XRN1: variants seen among roughly 807,000 people sequenced by gnomAD.
XRN1 encodes the protein 5'-3' exoribonuclease 1, also known as strand-exchange protein 1 homolog.
In XRN1, 67 loss-of-function variants were observed where a neutral mutation model predicts 222.3. The ratio of observed to expected loss-of-function variants is 0.30; its 90% confidence interval spans 0.25 to 0.37. XRN1 has a LOEUF of 0.37. XRN1 is among the 10% of genes least tolerant of loss of function. XRN1 has a pLI of 1.00. For missense variants in XRN1, 1,707 were observed against 2,000.2 expected (o/e 0.85, Z 2.80); for synonymous variants, 643 against 652.4 (o/e 0.99, Z 0.22).
At chr3:142,325,484 G>T (rs1450611774) in intron 37 of XRN1, among the ~76,000 whole-genome samples, 5 of 151,304 alleles carry the variant, frequency 3.3e-5, no homozygotes, top group Non-Finnish European at 7.4e-5. Flanking sequence ...TTGTTACATG[G>T]GTATATTGCA....
chr3:142,428,589 A>T (rs2069368568), intron 2 of XRN1, among the ~76,000 whole-genome samples: 1 of 152,168 alleles, frequency 6.6e-6, no homozygotes, highest in East Asian at 1.9e-4. Context: ...AGATGAAAAG[A>T]AGTAGACAGA....
chr3:142,356,790 G>GGAAAA, intron 31 of XRN1, 122 bp downstream of exon 31: 1 of 1,061,932 alleles, frequency 9.4e-7, no homozygotes, highest in Non-Finnish European at 1.3e-6. Context: ...GAATTGACCT[G>GGAAAA]AGCCAAAACT....
chr3:142,307,854 A>G lies in XRN1; in HGVS notation c.*3657T>C, dbSNP rs1052004941. On this transcript the variant is annotated 3_prime_UTR_variant, in exon 41 of 41. Transcript: ENST00000392981. ...TTGAGTACTATAATTTATCTCTAGA[A>G]AAATGACAAATGAACTTCTGCAATT... is the stretch of plus-strand genomic sequence containing the variant. The G allele has an allele frequency of 2.0e-5, 3 of 152,224 alleles. No homozygotes were observed. Among genetic ancestry groups the G allele is most frequent in the Non-Finnish European group, 4.4e-5 (3 of 68,032 alleles). The allele number at this position is 152,224 out of a possible 1,614,324, so 9.4% of individuals were successfully genotyped here. A position where few individuals can be genotyped will look rare whatever the true frequency, so the allele number is the denominator to read the frequency against.
intron 15 of XRN1, among the ~76,000 whole-genome samples, chr3:142,410,475 A>T (rs918781549): frequency 4.5e-5 from 6 of 132,480 alleles, no homozygotes; most frequent in Non-Finnish European, 9.5e-5. Context: ...ACGCTGTCAG[A>T]TTCTATCTCA....
chr3:142,418,239 A>AT (rs1419488602), intron 12 of XRN1: 7 of 332,792 alleles, frequency 2.1e-5, no homozygotes, highest in Non-Finnish European at 2.7e-5. Flanking sequence ...ATTATTTCTA[A>AT]TTTTTTTACT....
At chr3:142,420,054 A>T (rs1340863264) in intron 10 of XRN1, among the ~76,000 whole-genome samples, 2 of 152,234 alleles carry the variant, frequency 1.3e-5, no homozygotes, top group African/African-American at 4.8e-5. Flanking sequence ...CTATTAACTT[A>T]GACTATTGTA....
intron 24 of XRN1, 30 bp from the exon 25 acceptor site, chr3:142,375,974 G>GCACACACACACA (rs66486380): frequency 2.6e-5 from 37 of 1,448,062 alleles, no homozygotes; most frequent in Middle Eastern, 3.8e-4. Flanking sequence ...GCGCACACGT[G>GCACACACACACA]CACACACACA....
At chr3:142,314,391 T>A (rs1465978811) in intron 39 of XRN1, among the ~76,000 whole-genome samples, 3 of 152,154 alleles carry the variant, frequency 2.0e-5, no homozygotes, top group Non-Finnish European at 4.4e-5. Context: ...TCTTAAAAAA[T>A]ATATGATCAT....
chr3:142,315,928 TA>T (rs1163440677), intron 39 of XRN1, among the ~76,000 whole-genome samples: 1 of 152,212 alleles, frequency 6.6e-6, no homozygotes, highest in Non-Finnish European at 1.5e-5. Context: ...AATAACTTAT[TA>T]ATTTTAGGCA....
chr3:142,412,853 CACT>C (rs1404874942), intron 14 of XRN1, among the ~76,000 whole-genome samples, 190 bp from the exon 15 acceptor site: 1 of 152,156 alleles, frequency 6.6e-6, no homozygotes, highest in Non-Finnish European at 1.5e-5. Flanking sequence ...ATTCTGATTT[CACT>C]ACTACTCATC....
Position 142,423,572 on chromosome 3 carries a change from T to C in XRN1, c.698A>G (p.Lys233Arg), listed in dbSNP as rs187669081. ...CTATATAATTTACCGTTGTGTTTTT[T>C]TGCCACCAAATCGAACTTCTTCTCT... is the stretch of plus-strand genomic sequence containing the variant. ...LLREEVRFGG[K>R]KTQRVCAPEE... Residue 233 changes from lysine to arginine, a missense_variant, in exon 6 of 41, where the codon AAA (lysine) becomes AGA (arginine). Lys to Arg is a conservative substitution (Grantham distance 26). Transcript: ENST00000392981. 8.7e-6 allele frequency: 14 copies of C among 1,603,366 alleles called. No individual in the cohort carries two copies. The East Asian group carries it at 2.3e-4, about 26-fold the overall frequency.
intron 39 of XRN1, among the ~76,000 whole-genome samples, chr3:142,317,955 C>T (rs2065252768): frequency 6.6e-6 from 1 of 152,096 alleles, no homozygotes; most frequent in Non-Finnish European, 1.5e-5. Context: ...CACAGATTTA[C>T]ACTTTTGAAA....
Position 142,308,285 on chromosome 3 carries a change from C to CT in XRN1, c.*3225dup, listed in dbSNP as rs2065009040. On this transcript the variant is annotated 3_prime_UTR_variant, in exon 41 of 41. Coordinates refer to ENST00000392981, the MANE Select transcript of XRN1 (RefSeq NM_001282857.2). ...TATTTAACTGTTTTTCTTCTTCCAT[C>CT]TGCCTCCCTCTCTCTGCCTCCTCTC... 2.0e-5 allele frequency: 3 copies of CT among 152,196 alleles called. No homozygotes were observed. Among genetic ancestry groups the CT allele is most frequent in the African/African-American group, 7.2e-5 (3 of 41,444 alleles). 9.4% of individuals were successfully genotyped at this position (152,196 alleles called of 1,614,324 possible). A position where few individuals can be genotyped will look rare whatever the true frequency, so the allele number is the denominator to read the frequency against.
chr3:142,396,904 C>T (rs968169998), intron 20 of XRN1, among the ~76,000 whole-genome samples: 6 of 151,994 alleles, frequency 3.9e-5, no homozygotes, highest in African/African-American at 7.2e-5. Flanking sequence ...ATTCTAAGCC[C>T]TGGGGAATAT....
At chr3:142,371,688 T>C (rs1326389891) in intron 25 of XRN1, among the ~76,000 whole-genome samples, 1 of 152,204 alleles carries the variant, frequency 6.6e-6, no homozygotes, top group East Asian at 1.9e-4. Flanking sequence ...CAAATTAAAA[T>C]AGATTAAAAG....
intron 25 of XRN1, among the ~76,000 whole-genome samples, chr3:142,375,390 T>C (rs1453647204): frequency 6.6e-6 from 1 of 152,148 alleles, no homozygotes; most frequent in Non-Finnish European, 1.5e-5. Flanking sequence ...CCTAGATAAT[T>C]TCAGCAATAA....
intron 30 of XRN1, among the ~76,000 whole-genome samples, chr3:142,359,151 T>C (rs2066548140): frequency 6.6e-6 from 1 of 152,190 alleles, no homozygotes; most frequent in Non-Finnish European, 1.5e-5. Context: ...CTTTAAACTT[T>C]CTATTGGCAC....
chr3:142,377,821 G>A (rs1238605987), intron 23 of XRN1, among the ~76,000 whole-genome samples: 1 of 152,026 alleles, frequency 6.6e-6, no homozygotes, highest in African/African-American at 2.4e-5. Flanking sequence ...TCTAGAAAAA[G>A]CCAGGGATGA....
At chr3:142,423,767 A>C in intron 5 of XRN1, 125 bp from the exon 6 acceptor site, 1 of 652,492 alleles carries the variant, frequency 1.5e-6, no homozygotes. Context: ...TTAAATATAC[A>C]AATAACAAAA....
Sources: gnomAD v4.1 joint callset for allele counts (sites outside exome capture counted in the v4.1 genomes callset) on GRCh38, gnomAD v4.1.1 for gene constraint, MANE v1.5 for transcripts, NCBI Gene and HGNC (gene_info 2026-07-23, HGNC 2026-07-21) for gene names.